CELF4: variants seen among roughly 807,000 people sequenced by gnomAD.
CELF4 encodes CUG-BP- and ETR-3-like factor 4.
A neutral mutation model predicts 59.9 loss-of-function variants in CELF4; 18 were observed. That is an observed-to-expected ratio of 0.30 (90% CI 0.21 to 0.45). The LOEUF (loss-of-function observed/expected upper bound fraction) is 0.45, where lower values mean the gene tolerates loss of function less well. CELF4 is among the 20% of genes least tolerant of loss of function. CELF4 has a pLI of 1.00. For missense variants in CELF4, 456 were observed against 689.0 expected (o/e 0.66, Z 3.79); for synonymous variants, 261 against 267.1 (o/e 0.98, Z 0.22).
intron 2 of CELF4, among the ~76,000 whole-genome samples, chr18:37,372,792 T>C (rs750810271): frequency 8.5e-5 from 13 of 152,094 alleles, no homozygotes; most frequent in Non-Finnish European, 1.6e-4. Flanking sequence ...GATAAGATAC[T>C]GATTATTTTT....
intron 2 of CELF4, among the ~76,000 whole-genome samples, chr18:37,354,599 C>G (rs654377): frequency 0.029 from 4,369 of 152,290 alleles, 204 homozygotes; most frequent in African/African-American, 0.099. Context: ...GGACCAGGCT[C>G]TAAAATTGGA....
chr18:37,539,838 C>T (rs907533458), intron 1 of CELF4, among the ~76,000 whole-genome samples: 1 of 152,180 alleles, frequency 6.6e-6, no homozygotes, highest in Non-Finnish European at 1.5e-5. Context: ...TAGCCACACA[C>T]CGCTGTTAGC....
chr18:37,552,700 G>A (rs531445146), intron 1 of CELF4, among the ~76,000 whole-genome samples: 1 of 152,380 alleles, frequency 6.6e-6, no homozygotes, highest in East Asian at 1.9e-4. Flanking sequence ...ATAAGGGGCA[G>A]ATGGGGGTCT....
At chr18:37,522,427 G>C (rs1013767255) in intron 1 of CELF4, among the ~76,000 whole-genome samples, 13 of 152,194 alleles carry the variant, frequency 8.5e-5, no homozygotes, top group African/African-American at 3.1e-4. Flanking sequence ...ACTGAAATTA[G>C]GACTAAGGAA....
chr18:37,279,667 C>T (rs1489098223), intron 3 of CELF4, among the ~76,000 whole-genome samples: 1 of 152,204 alleles, frequency 6.6e-6, no homozygotes, highest in African/African-American at 2.4e-5. Context: ...GACAGGCCAT[C>T]CACAATACAC....
intron 2 of CELF4, among the ~76,000 whole-genome samples, chr18:37,381,944 A>AG (rs1754640784): frequency 6.6e-6 from 1 of 152,210 alleles, no homozygotes; most frequent in Admixed American, 6.5e-5. Context: ...GGGATTGTAA[A>AG]GGGGGCCTTC....
At chr18:37,527,156 G>A (rs899913573) in intron 1 of CELF4, among the ~76,000 whole-genome samples, 1 of 151,916 alleles carries the variant, frequency 6.6e-6, no homozygotes, top group Non-Finnish European at 1.5e-5. Flanking sequence ...TGAGCACAAT[G>A]ATCAAGAAGA....
intron 2 of CELF4, among the ~76,000 whole-genome samples, chr18:37,483,291 C>T (rs939682068): frequency 6.6e-6 from 1 of 152,224 alleles, no homozygotes; most frequent in African/African-American, 2.4e-5. Flanking sequence ...CATTTGTCTG[C>T]ATGCAGGTTT....
intron 3 of CELF4, among the ~76,000 whole-genome samples, chr18:37,289,504 C>T (rs111845924): frequency 0.023 from 3,569 of 152,216 alleles, 137 homozygotes; most frequent in African/African-American, 0.082. Context: ...GTGAAGGAAG[C>T]AGGTGAAGGC....
intron 2 of CELF4, among the ~76,000 whole-genome samples, chr18:37,467,638 C>A (rs2099812234): frequency 2.0e-5 from 3 of 152,170 alleles, no homozygotes; most frequent in Admixed American, 2.0e-4. Flanking sequence ...GGAGTCCCAG[C>A]CTTCAGAATC....
At chr18:37,546,728 A>C (rs1011337078) in intron 1 of CELF4, among the ~76,000 whole-genome samples, 1 of 152,202 alleles carries the variant, frequency 6.6e-6, no homozygotes, top group Admixed American at 6.5e-5. Flanking sequence ...GCAGAACCAC[A>C]GGATGCAGTG....
At chr18:37,300,307 C>A (rs796875499) in intron 3 of CELF4, among the ~76,000 whole-genome samples, 20 of 152,164 alleles carry the variant, frequency 1.3e-4, no homozygotes, top group African/African-American at 4.8e-4. Flanking sequence ...TCACTGCAAC[C>A]TCCACCTCCC....
intron 2 of CELF4, among the ~76,000 whole-genome samples, chr18:37,343,331 G>C (rs1330780447): frequency 7.4e-5 from 5 of 67,322 alleles, no homozygotes; most frequent in Non-Finnish European, 1.3e-4. Context: ...TGTTGATTCT[G>C]TGTGTGTGTG....
intron 12 of CELF4, among the ~76,000 whole-genome samples, chr18:37,249,425 G>A (rs1253254430): frequency 6.6e-6 from 1 of 152,130 alleles, no homozygotes; most frequent in Non-Finnish European, 1.5e-5. Flanking sequence ...CCCAGCTTTA[G>A]AGTGCAACCG....
intron 2 of CELF4, among the ~76,000 whole-genome samples, chr18:37,383,964 G>A (rs1203357646): frequency 1.3e-5 from 2 of 152,132 alleles, no homozygotes; most frequent in East Asian, 1.9e-4. Context: ...GGGGCGGTGC[G>A]TGGAGGCTGG....
intron 2 of CELF4, among the ~76,000 whole-genome samples, chr18:37,356,436 G>C (rs2098575821): frequency 6.6e-6 from 1 of 152,172 alleles, no homozygotes; most frequent in Non-Finnish European, 1.5e-5. Flanking sequence ...TGAAAGAGGT[G>C]CTGGAAAGGC....
intron 11 of CELF4, 114 bp downstream of exon 11, chr18:37,259,067 T>C (rs1392616852): frequency 3.9e-6 from 6 of 1,542,186 alleles, no homozygotes; most frequent in Non-Finnish European, 5.3e-6. Flanking sequence ...GGTAGGTTGG[T>C]GCGAGCACCG....
intron 1 of CELF4, among the ~76,000 whole-genome samples, chr18:37,533,621 C>A (rs947686229): frequency 6.6e-6 from 1 of 152,188 alleles, no homozygotes; most frequent in Non-Finnish European, 1.5e-5. Context: ...TTCTGGTGAG[C>A]AAACACAGCA....
intron 3 of CELF4, chr18:37,306,207 C>T (rs1409233422): frequency 6.6e-6 from 1 of 152,248 alleles, no homozygotes; most frequent in Non-Finnish European, 1.5e-5. Flanking sequence ...CAGGCAGTCC[C>T]TGAGGACTGA....
Sources: allele counts gnomAD v4.1 joint callset (sites outside exome capture counted in the v4.1 genomes callset), GRCh38; gene constraint gnomAD v4.1.1; transcripts MANE v1.5; gene names NCBI Gene and HGNC (gene_info 2026-07-23, HGNC 2026-07-21).